FNIP1: variants seen among roughly 807,000 people sequenced by gnomAD.
FNIP1 encodes folliculin interacting protein 1.
Under a neutral mutation model 124.5 loss-of-function variants are expected in FNIP1, and 40 were observed. The observed-to-expected ratio is 0.32, with a 90% CI of 0.25 to 0.42. The LOEUF (loss-of-function observed/expected upper bound fraction) is 0.42. Ranked by LOEUF, FNIP1 falls within the 10% of genes least tolerant of loss-of-function variation. FNIP1 has a pLI of 1.00. For missense variants in FNIP1, 1,176 were observed against 1,403.7 expected, an observed-to-expected ratio of 0.84 and a Z score of 2.59; for synonymous variants, 472 against 470.6, an observed-to-expected ratio of 1.00 and a Z score of -0.04.
chr5:131,703,146 C>T (rs1205890245), intron 10 of FNIP1, among the ~76,000 whole-genome samples: 1 of 152,172 alleles, frequency 6.6e-6, no homozygotes, highest in Admixed American at 6.5e-5. Context: ...AACTGCTTGG[C>T]TAAAAAAATC....
chr5:131,785,550 CAA>C (rs34264541), intron 1 of FNIP1, among the ~76,000 whole-genome samples: 2 of 149,656 alleles, frequency 1.3e-5, no homozygotes, highest in African/African-American at 4.9e-5. Context: ...GACTCCGTCT[CAA>C]AAAAAAAACA....
intron 3 of FNIP1, among the ~76,000 whole-genome samples, chr5:131,721,251 A>G (rs1420911954): frequency 6.6e-6 from 1 of 152,242 alleles, no homozygotes; most frequent in Non-Finnish European, 1.5e-5. Flanking sequence ...CTGCATGATA[A>G]GATAAATACT....
intron 11 of FNIP1, among the ~76,000 whole-genome samples, chr5:131,692,379 T>A (rs1270546474): frequency 6.6e-6 from 1 of 150,544 alleles, no homozygotes; most frequent in African/African-American, 2.5e-5. Context: ...AGGAAAAGTA[T>A]AAAATTCTGT....
chr5:131,760,916 G>A (rs1442876908), intron 1 of FNIP1, among the ~76,000 whole-genome samples: 1 of 151,478 alleles, frequency 6.6e-6, no homozygotes, highest in Non-Finnish European at 1.5e-5. Context: ...GAGGGAGGGA[G>A]GGAAGGAGGG....
intron 1 of FNIP1, among the ~76,000 whole-genome samples, chr5:131,745,561 T>C (rs918792753): frequency 2.6e-4 from 39 of 152,038 alleles, no homozygotes; most frequent in Non-Finnish European, 1.3e-4. Context: ...CACAATCTCT[T>C]TAGAACACAG....
intron 15 of FNIP1, among the ~76,000 whole-genome samples, chr5:131,664,842 T>C (rs544350134): frequency 1.3e-5 from 2 of 150,842 alleles, no homozygotes; most frequent in East Asian, 1.9e-4. Flanking sequence ...TATGGGTATA[T>C]ATAAATACAT....
At chr5:131,732,936 C>T (rs1580793855) in intron 2 of FNIP1, among the ~76,000 whole-genome samples, 2 of 152,128 alleles carry the variant, frequency 1.3e-5, no homozygotes, top group Non-Finnish European at 2.9e-5. Context: ...GCTATTTTCA[C>T]GATATTGATT....
At chr5:131,775,328 T>C (rs1328634581) in intron 1 of FNIP1, among the ~76,000 whole-genome samples, 1 of 152,144 alleles carries the variant, frequency 6.6e-6, no homozygotes, top group African/African-American at 2.4e-5. Context: ...ATCTTTCCTC[T>C]GAGCTTTTTA....
At chr5:131,681,412 C>T (rs990259725) in intron 11 of FNIP1, among the ~76,000 whole-genome samples, 1 of 152,078 alleles carries the variant, frequency 6.6e-6, no homozygotes, top group Non-Finnish European at 1.5e-5. Flanking sequence ...TCATTCTCAA[C>T]TACAGAGCGC....
chr5:131,721,527 G>A lies in FNIP1; in HGVS notation c.355-2110C>T, dbSNP rs570127297. On this transcript the variant is annotated intron_variant, in intron 3 of 17. Transcript: ENST00000510461. ...TTAAAGACTTCCTTGAGGCTAGCGC[G>A]GTGGATCACGCTTGTAATACCAGCA... 2.6e-4 allele frequency among the ~76,000 whole-genome samples: 40 copies of A among 152,142 alleles called. No individual in the cohort carries two copies. The South Asian group carries it at 5.8e-3, about 22-fold the overall frequency.
chr5:131,665,475 T>A (rs1383251375), intron 15 of FNIP1, among the ~76,000 whole-genome samples: 2 of 151,832 alleles, frequency 1.3e-5, no homozygotes, highest in Non-Finnish European at 2.9e-5. Flanking sequence ...TCACTTCCAT[T>A]ATTTATATAT....
At chr5:131,720,134 A>G (rs1327448539) in intron 3 of FNIP1, among the ~76,000 whole-genome samples, 1 of 152,206 alleles carries the variant, frequency 6.6e-6, no homozygotes, top group Non-Finnish European at 1.5e-5. Context: ...ACAGTAAGGT[A>G]CTGACATTAA....
At chr5:131,694,423 A>G (rs1768619271) in intron 11 of FNIP1, among the ~76,000 whole-genome samples, 1 of 152,208 alleles carries the variant, frequency 6.6e-6, no homozygotes, top group Admixed American at 6.6e-5. Flanking sequence ...TAAAAACAAC[A>G]GCAACACCAC....
At chr5:131,753,039 T>A (rs1770932704) in intron 1 of FNIP1, among the ~76,000 whole-genome samples, 1 of 152,180 alleles carries the variant, frequency 6.6e-6, no homozygotes, top group Non-Finnish European at 1.5e-5. Flanking sequence ...ATCACTGCAC[T>A]CCAGCCTGGG....
chr5:131,730,884 A>C lies in FNIP1; in HGVS notation c.354+20T>G, dbSNP rs7729787. On this transcript the variant is annotated intron_variant, in intron 3 of 17. Coordinates refer to ENST00000510461, the MANE Select transcript of FNIP1 (RefSeq NM_133372.3). ...CTAATTATAAATGAATGAATAAATA[A>C]ATGACATCAATGATCTTACCTGGTA... The C allele has an allele frequency of 0.74, 1,155,909 of 1,566,222 alleles. 433,201 individuals carry two copies. The highest frequency in any genetic ancestry group is 0.78 in the Non-Finnish European group (894,342 of 1,153,096).
At chr5:131,735,494 C>T (rs56237537) in intron 2 of FNIP1, among the ~76,000 whole-genome samples, 3,957 of 130,318 alleles carry the variant, frequency 0.03, 189 homozygotes, top group African/African-American at 0.11. Flanking sequence ...TGTATATATA[C>T]GTATAAAATA....
rs1260200961 is a variant in FNIP1, at chr5:131,677,687, T to C, written c.1519+16A>G. The C allele has an allele frequency of 2.5e-6, 4 of 1,607,486 alleles. No individual in the cohort carries two copies. In the Admixed American group the frequency reaches 6.7e-5, roughly 27 times the overall value. ...AAAAGTCTAATACATAGTGTAACAG[T>C]TGTCAGATTACATACCCAGTTGTGC... On this transcript the variant is annotated intron_variant, in intron 13 of 17. Transcript: ENST00000510461.
At chr5:131,791,098 C>CA (rs553471787) in intron 1 of FNIP1, among the ~76,000 whole-genome samples, 35 of 152,152 alleles carry the variant, frequency 2.3e-4, no homozygotes, top group African/African-American at 7.7e-4. Flanking sequence ...ATAATTAAAA[C>CA]AAAAAACCTG....
At chr5:131,675,589 T>C (rs543924299) in intron 13 of FNIP1, among the ~76,000 whole-genome samples, 43 of 152,302 alleles carry the variant, frequency 2.8e-4, no homozygotes, top group East Asian at 5.8e-4. Flanking sequence ...CTGAATTATA[T>C]TGAATGAATG....
Sources: allele counts gnomAD v4.1 joint callset (sites outside exome capture counted in the v4.1 genomes callset), GRCh38; gene constraint gnomAD v4.1.1; transcripts MANE v1.5; gene names NCBI Gene and HGNC (gene_info 2026-07-23, HGNC 2026-07-21).